Variants in JAM2 observed in about 807,000 individuals in gnomAD.
The protein encoded by JAM2 is junctional adhesion molecule 2.
A neutral mutation model predicts 42.0 loss-of-function variants in JAM2; 17 were observed. That is an observed-to-expected ratio of 0.40 (90% CI 0.28 to 0.61). The LOEUF (loss-of-function observed/expected upper bound fraction) is 0.61. JAM2 is among the 20% of genes least tolerant of loss of function. The probability of loss-of-function intolerance (pLI) is 0.37; values close to 1 mark genes in which losing one functional copy is unlikely to be tolerated. For synonymous variants in JAM2, 118 were observed against 128.6 expected, an observed-to-expected ratio of 0.92 and a Z score of 0.56; for missense variants, 319 against 358.3, an observed-to-expected ratio of 0.89 and a Z score of 0.89.
chr21:25,689,844 G>C (rs373837438), intron 2 of JAM2, 22 bp from the exon 3 acceptor site: 2 of 1,453,602 alleles, frequency 1.4e-6, no homozygotes, highest in Admixed American at 3.5e-5. Flanking sequence ...TAGAAAACAA[G>C]TATTTTTATT....
At chr21:25,712,418 T>C (rs767382664) in intron 9 of JAM2, 36 bp downstream of exon 9, 23 of 1,443,828 alleles carry the variant, frequency 1.6e-5, no homozygotes, top group Non-Finnish European at 2.2e-5. Flanking sequence ...AGAATGAATA[T>C]GTTTGGGGAA....
chr21:25,714,236 G>C, intron 9 of JAM2: 1 of 1,300,778 alleles, frequency 7.7e-7, no homozygotes, highest in Non-Finnish European at 1.0e-6. Flanking sequence ...GCCAGGTGCA[G>C]TGGCTCACGC....
intron 1 of JAM2, among the ~76,000 whole-genome samples, chr21:25,640,990 T>G (rs556911198): frequency 6.6e-6 from 1 of 152,288 alleles, no homozygotes; most frequent in African/African-American, 2.4e-5. Flanking sequence ...ATCGCACAGC[T>G]CAAGTGATGT....
chr21:25,674,931 A>C (rs2033447585), intron 1 of JAM2, among the ~76,000 whole-genome samples: 1 of 152,048 alleles, frequency 6.6e-6, no homozygotes, highest in Non-Finnish European at 1.5e-5. Flanking sequence ...AACCCTGTGC[A>C]ACTTTTTATA....
Position 25,693,922 on chromosome 21 carries a change from A to T in JAM2, c.394+14A>T. The T allele has an allele frequency of 6.2e-7, 1 of 1,612,724 alleles. No individual in the cohort carries two copies. The highest frequency in any genetic ancestry group is 2.2e-5 in the East Asian group (1 of 44,826). On this transcript the variant is annotated intron_variant, in intron 4 of 9. Coordinates refer to ENST00000480456, the MANE Select transcript of JAM2 (RefSeq NM_021219.4). ...TGGAAGTATTAGGTGATGTGCATGT[A>T]TGTGTGTGACTACGTCTCCCACTCC...
intron 8 of JAM2, among the ~76,000 whole-genome samples, chr21:25,710,881 A>G (rs1052168501): frequency 2.6e-5 from 4 of 152,214 alleles, no homozygotes; most frequent in African/African-American, 9.6e-5. Flanking sequence ...GAGATGACAA[A>G]AGGTGGAAGC....
At position 25,683,890 on chromosome 21, in the gene JAM2, G is replaced by A; in HGVS notation, c.75G>A (p.Lys25=). ...RYLVVALGYH[K]AYGFSAPKDQ... is the part of the protein sequence containing the mutation. ...TCTGTTTTAATCTTTCAGATCATAA[G>A]GCCTATGGGTTTTCTGCCCCAAAAG... The change falls in exon 2 of 10, where the codon AAG becomes AAA. Residue 25 remains lysine (K), a synonymous_variant. Coordinates refer to ENST00000480456, the MANE Select transcript of JAM2 (RefSeq NM_021219.4). 9 of 1,602,300 alleles carry A rather than the reference G, an allele frequency of 5.6e-6. No individual in the cohort carries two copies. The highest frequency in any genetic ancestry group is 7.7e-6 in the Non-Finnish European group (9 of 1,170,028).
chr21:25,688,205 G>A (rs781066815), intron 2 of JAM2, among the ~76,000 whole-genome samples: 11 of 151,956 alleles, frequency 7.2e-5, no homozygotes, highest in East Asian at 3.9e-4. Context: ...TTTCCACAGC[G>A]CAATAAGGAC....
At chr21:25,697,996 C>T (rs368279096) in intron 4 of JAM2, among the ~76,000 whole-genome samples, 3 of 151,414 alleles carry the variant, frequency 2.0e-5, no homozygotes, top group African/African-American at 7.3e-5. Flanking sequence ...CTCTCTCTCT[C>T]TCCCTCTCTC....
At chr21:25,643,539 C>T (rs1354076656) in intron 1 of JAM2, 3 of 152,176 alleles carry the variant, frequency 2.0e-5, no homozygotes, top group Non-Finnish European at 2.9e-5. Flanking sequence ...CCCAAAACAG[C>T]ACTCCAGGGA....
rs543443351 is a variant in JAM2 at position 25,683,920 on chromosome 21, A to G, written c.105A>G (p.Gln35=). The G allele has an allele frequency of 1.2e-6, 2 of 1,609,266 alleles. No individual in the cohort carries two copies. The highest frequency in any genetic ancestry group is 2.2e-5 in the East Asian group (1 of 44,802). ...KAYGFSAPKD[Q]QVVTAVEYQE... is the part of the protein sequence containing the mutation. Reference sequence around the variant, plus strand: ...ATGGGTTTTCTGCCCCAAAAGACCAACAAGTAGTCACAGCAGTAGAGTACC... The same window carrying G: ...ATGGGTTTTCTGCCCCAAAAGACCAGCAAGTAGTCACAGCAGTAGAGTACC... Residue 35 remains glutamine, a synonymous_variant, in exon 2 of 10, where the codon CAA becomes CAG. Transcript: ENST00000480456.
At chr21:25,664,564 T>G (rs1180316904) in intron 1 of JAM2, among the ~76,000 whole-genome samples, 1 of 152,232 alleles carries the variant, frequency 6.6e-6, no homozygotes, top group East Asian at 1.9e-4. Flanking sequence ...AAAACCTTAC[T>G]TGACCTTTCT....
At chr21:25,695,302 G>A (rs2033979391) in intron 4 of JAM2, among the ~76,000 whole-genome samples, 2 of 152,224 alleles carry the variant, frequency 1.3e-5, no homozygotes, top group South Asian at 4.1e-4. Flanking sequence ...TGGGGGTAAT[G>A]TTATAGATTA....
At chr21:25,692,383 C>T in intron 3 of JAM2, 1 of 194,120 alleles carries the variant, frequency 5.2e-6, no homozygotes, top group Non-Finnish European at 1.1e-5. Context: ...AGAAGTTAGA[C>T]ACAATCACTG....
At chr21:25,685,989 A>G (rs1333661451) in intron 2 of JAM2, among the ~76,000 whole-genome samples, 1 of 152,210 alleles carries the variant, frequency 6.6e-6, no homozygotes, top group Non-Finnish European at 1.5e-5. Context: ...ACCTTACATT[A>G]TTTTTTAAAA....
intron 4 of JAM2, among the ~76,000 whole-genome samples, chr21:25,696,657 A>C (rs982516199): frequency 1.3e-5 from 2 of 152,144 alleles, no homozygotes; most frequent in Non-Finnish European, 2.9e-5. Context: ...GACAAGGCTG[A>C]GTTCTCATCC....
intron 1 of JAM2, among the ~76,000 whole-genome samples, chr21:25,663,713 C>T (rs1333182015): frequency 6.6e-6 from 1 of 152,160 alleles, no homozygotes; most frequent in Non-Finnish European, 1.5e-5. Context: ...AGAGTCCCCA[C>T]CAGCAAGAAG....
intron 1 of JAM2, among the ~76,000 whole-genome samples, chr21:25,647,775 G>T (rs1450091036): frequency 6.6e-6 from 1 of 152,250 alleles, no homozygotes; most frequent in Non-Finnish European, 1.5e-5. Context: ...CACCAGCTAA[G>T]ATTCACAGAC....
chr21:25,640,352 G>C (rs536071917), intron 1 of JAM2, among the ~76,000 whole-genome samples: 1 of 152,340 alleles, frequency 6.6e-6, no homozygotes, highest in South Asian at 2.1e-4. Flanking sequence ...CGTCCCAGCT[G>C]AGCCGGCGAT....
Sources: gnomAD v4.1 joint callset for allele counts (sites outside exome capture counted in the v4.1 genomes callset) on GRCh38, gnomAD v4.1.1 for gene constraint, MANE v1.5 for transcripts, NCBI Gene and HGNC (gene_info 2026-07-23, HGNC 2026-07-21) for gene names.